Variants in PLXNA4 observed in about 807,000 individuals in gnomAD.
PLXNA4 encodes the protein plexin A4, also known as plexin-A4.
Under a neutral mutation model 191.8 loss-of-function variants are expected in PLXNA4, and 44 were observed. The observed-to-expected ratio is 0.23, with a 90% CI of 0.18 to 0.29. The LOEUF (loss-of-function observed/expected upper bound fraction) is 0.29, where lower values mean the gene tolerates loss of function less well. PLXNA4 is among the 10% of genes least tolerant of loss of function. The probability of loss-of-function intolerance (pLI) is 1.00; values close to 1 mark genes in which losing one functional copy is unlikely to be tolerated. For synonymous variants in PLXNA4, 1,082 were observed against 1,009.5 expected (o/e 1.07, Z -1.36); for missense variants, 1,800 against 2,488.8 (o/e 0.72, Z 5.89).
intron 20 of PLXNA4, among the ~76,000 whole-genome samples, chr7:132,176,116 G>A (rs1796447296): frequency 6.6e-6 from 1 of 152,170 alleles, no homozygotes; most frequent in African/African-American, 2.4e-5. Context: ...CCACCCAGCA[G>A]AGCAGACTTC....
chr7:132,224,585 A>G (rs183448104), intron 8 of PLXNA4, among the ~76,000 whole-genome samples: 12 of 152,312 alleles, frequency 7.9e-5, no homozygotes, highest in Admixed American at 3.3e-4. Context: ...ATTCCCTTGC[A>G]CATGGGAGAT....
chr7:132,268,676 T>G (rs1799945386), intron 4 of PLXNA4, among the ~76,000 whole-genome samples: 1 of 152,170 alleles, frequency 6.6e-6, no homozygotes, highest in Admixed American at 6.5e-5. Context: ...TACTCCCACA[T>G]GACATCTCAG....
intron 10 of PLXNA4, among the ~76,000 whole-genome samples, chr7:132,205,639 G>A (rs944130670): frequency 6.6e-6 from 1 of 152,098 alleles, no homozygotes; most frequent in African/African-American, 2.4e-5. Flanking sequence ...ATCTCACCAG[G>A]CTTCAAGCTG....
chr7:132,414,777 C>A (rs1220061301), intron 3 of PLXNA4, among the ~76,000 whole-genome samples: 1 of 152,188 alleles, frequency 6.6e-6, no homozygotes, highest in Non-Finnish European at 1.5e-5. Flanking sequence ...TCATGAGAGG[C>A]ATAGGATGTG....
chr7:132,344,018 C>G (rs1396068343), intron 3 of PLXNA4, among the ~76,000 whole-genome samples: 1 of 152,182 alleles, frequency 6.6e-6, no homozygotes, highest in Non-Finnish European at 1.5e-5. Context: ...CATTGCCACC[C>G]CACACTCACC....
intron 1 of PLXNA4, among the ~76,000 whole-genome samples, chr7:132,523,512 A>T (rs1799271537): frequency 6.6e-6 from 1 of 152,256 alleles, no homozygotes; most frequent in African/African-American, 2.4e-5. Context: ...AGAGCACGGA[A>T]GGATGGGTGA....
chr7:132,224,912 A>C (rs1034221707), intron 8 of PLXNA4, among the ~76,000 whole-genome samples: 1 of 152,188 alleles, frequency 6.6e-6, no homozygotes, highest in Non-Finnish European at 1.5e-5. Flanking sequence ...TCATGCATGG[A>C]GGGCAAAACA....
At chr7:132,382,946 A>G (rs975254976) in intron 3 of PLXNA4, among the ~76,000 whole-genome samples, 11 of 152,154 alleles carry the variant, frequency 7.2e-5, no homozygotes, top group Non-Finnish European at 1.5e-4. Context: ...TTGCGTGTCT[A>G]TGTCTTAGTG....
intron 25 of PLXNA4, among the ~76,000 whole-genome samples, chr7:132,156,326 G>T (rs1266902476): frequency 2.0e-5 from 3 of 152,188 alleles, no homozygotes; most frequent in African/African-American, 7.2e-5. Context: ...TGAGCTCTGA[G>T]GAGCAATGAA....
chr7:132,267,813 C>T (rs184939542), intron 4 of PLXNA4, among the ~76,000 whole-genome samples: 2 of 152,112 alleles, frequency 1.3e-5, no homozygotes, highest in Non-Finnish European at 1.5e-5. Context: ...GGAAAGAACC[C>T]GTGGGGTTTC....
intron 4 of PLXNA4, among the ~76,000 whole-genome samples, chr7:132,293,697 C>T (rs1056742055): frequency 6.6e-6 from 1 of 152,174 alleles, no homozygotes; most frequent in Non-Finnish European, 1.5e-5. Context: ...TTTTCTACCA[C>T]CAGTTTTTTT....
At chr7:132,381,269 C>T (rs1220586246) in intron 3 of PLXNA4, among the ~76,000 whole-genome samples, 1 of 152,202 alleles carries the variant, frequency 6.6e-6, no homozygotes, top group African/African-American at 2.4e-5. Context: ...CTCAAACTCA[C>T]ATCTGCAATC....
intron 3 of PLXNA4, among the ~76,000 whole-genome samples, chr7:132,368,370 G>A (rs1251546149): frequency 6.6e-6 from 1 of 152,152 alleles, no homozygotes; most frequent in Non-Finnish European, 1.5e-5. Context: ...GGGGAGGGAC[G>A]CGGCTGCACC....
intron 9 of PLXNA4, among the ~76,000 whole-genome samples, chr7:132,213,789 CCTGA>C (rs1387389016): frequency 6.6e-6 from 1 of 152,130 alleles, no homozygotes; most frequent in Non-Finnish European, 1.5e-5. Flanking sequence ...CAGCAAGGAG[CCTGA>C]CTGTCTCTCC....
intron 3 of PLXNA4, among the ~76,000 whole-genome samples, chr7:132,459,822 G>T (rs1002687031): frequency 6.6e-6 from 1 of 152,166 alleles, no homozygotes; most frequent in Non-Finnish European, 1.5e-5. Context: ...CGGTTTCGAT[G>T]ATCTAAATCA....
chr7:132,386,778 G>A (rs1055172631), intron 3 of PLXNA4, among the ~76,000 whole-genome samples: 5 of 152,222 alleles, frequency 3.3e-5, no homozygotes, highest in African/African-American at 9.6e-5. Context: ...CAGGGATCAT[G>A]TTCCCCAGGG....
chr7:132,485,970 G>A (rs1418067191), intron 3 of PLXNA4, among the ~76,000 whole-genome samples: 2 of 152,086 alleles, frequency 1.3e-5, no homozygotes, highest in Admixed American at 6.6e-5. Context: ...AGCAGCCCAC[G>A]GATAGCTCGG....
intron 2 of PLXNA4, among the ~76,000 whole-genome samples, chr7:132,496,843 T>C (rs918831676): frequency 1.3e-5 from 2 of 151,980 alleles, no homozygotes; most frequent in Non-Finnish European, 2.9e-5. Flanking sequence ...CAGGGATGAG[T>C]GCTCTGCCAT....
chr7:132,644,366 C>T (rs2116894720), intron 2 of PLXNA4, among the ~76,000 whole-genome samples: 1 of 152,202 alleles, frequency 6.6e-6, no homozygotes, highest in East Asian at 1.9e-4. Flanking sequence ...AAGAAATATG[C>T]CCTTCGTCTT....
Sources: allele counts gnomAD v4.1 joint callset (sites outside exome capture counted in the v4.1 genomes callset), GRCh38; gene constraint gnomAD v4.1.1; transcripts MANE v1.5; gene names NCBI Gene and HGNC (gene_info 2026-07-23, HGNC 2026-07-21).